KCNAB1: variants seen among roughly 807,000 people sequenced by gnomAD.
The protein encoded by KCNAB1 is potassium voltage-gated channel subfamily A regulatory beta subunit 1.
KCNAB1 carries 35 observed loss-of-function variants against 64.6 expected under a neutral mutation model. The ratio of observed to expected loss-of-function variants is 0.54; its 90% confidence interval spans 0.41 to 0.72. The LOEUF (loss-of-function observed/expected upper bound fraction) is 0.72. Ranked by LOEUF, KCNAB1 falls within the 30% of genes least tolerant of loss-of-function variation. The pLI, the probability that KCNAB1 is intolerant of heterozygous loss-of-function variation, is 0.00. For missense variants in KCNAB1, 401 were observed against 512.9 expected (o/e 0.78, Z 2.11); for synonymous variants, 177 against 183.8 (o/e 0.96, Z 0.30).
At chr3:156,436,077 C>T (rs1716565683) in intron 2 of KCNAB1, among the ~76,000 whole-genome samples, 1 of 152,088 alleles carries the variant, frequency 6.6e-6, no homozygotes, top group African/African-American at 2.4e-5. Context: ...TACCCCTGCC[C>T]ACCCCCAACA....
At position 156,338,303 on chromosome 3, in the gene KCNAB1, C is replaced by CTTTTTTTTT. The variant is rs34671816; in HGVS notation, c.276-83294_276-83286dup. 6.8e-3 allele frequency among the ~76,000 whole-genome samples: 269 copies of CTTTTTTTTT among 39,468 alleles called. 70 individuals are homozygous for CTTTTTTTTT. Among genetic ancestry groups the CTTTTTTTTT allele is most frequent in the African/African-American group, 0.021 (238 of 11,380 alleles). 25.9% of individuals were successfully genotyped at this position (39,468 alleles called of 152,430 possible). Reference sequence around the variant, plus strand: ...TCTTATACTTTCTTTGGCATTTGCACTTTTTTTTTTTTTTTTTTTTTTTTT... The same window carrying CTTTTTTTTT: ...TCTTATACTTTCTTTGGCATTTGCACTTTTTTTTTTTTTTTTTTTTTTTTTTTTTTTTTT... On this transcript the variant is annotated intron_variant, in intron 1 of 13. Transcript: ENST00000490337.
At chr3:156,254,593 T>C (rs1718000452) in intron 1 of KCNAB1, among the ~76,000 whole-genome samples, 1 of 152,236 alleles carries the variant, frequency 6.6e-6, no homozygotes, top group Non-Finnish European at 1.5e-5. Flanking sequence ...AGAAGTCTCA[T>C]TGTGAACTCT....
intron 1 of KCNAB1, among the ~76,000 whole-genome samples, chr3:156,123,233 G>C (rs1227791880): frequency 6.6e-6 from 1 of 152,200 alleles, no homozygotes; most frequent in Non-Finnish European, 1.5e-5. Context: ...AATATGAAAT[G>C]TATTGAAGAG....
At chr3:156,411,375 C>T (rs1714654247) in intron 1 of KCNAB1, among the ~76,000 whole-genome samples, 1 of 151,962 alleles carries the variant, frequency 6.6e-6, no homozygotes, top group South Asian at 2.1e-4. Flanking sequence ...TTCTAAAGTC[C>T]AATTTTTAAT....
At position 156,270,438 on chromosome 3, in the gene KCNAB1, T is replaced by C. The variant is rs140058939; in HGVS notation, c.275+149552T>C. Among the ~76,000 whole-genome samples, 1,435 of 152,288 alleles carry C rather than the reference T, an allele frequency of 9.4e-3. 26 individuals are homozygous for C. Among genetic ancestry groups the C allele is most frequent in the African/African-American group, 0.033 (1,371 of 41,554 alleles). On this transcript the variant is annotated intron_variant, in intron 1 of 13. Coordinates refer to ENST00000490337, the MANE Select transcript of KCNAB1 (RefSeq NM_172160.3). ...GTATGTTTTAATTTCTTGCTTTTTA[T>C]TTTTTGTGTATCTGTTGTATGTTTT...
At chr3:156,317,713 A>T (rs1722372722) in intron 1 of KCNAB1, among the ~76,000 whole-genome samples, 1 of 152,202 alleles carries the variant, frequency 6.6e-6, no homozygotes, top group East Asian at 1.9e-4. Flanking sequence ...ATGATTTACA[A>T]TAGCCTTGCA....
chr3:156,287,310 G>A (rs2107961767), intron 1 of KCNAB1, among the ~76,000 whole-genome samples: 1 of 142,726 alleles, frequency 7.0e-6, no homozygotes, highest in South Asian at 2.4e-4. Flanking sequence ...GTAGGAGTAA[G>A]TCATTATTTG....
chr3:156,273,273 C>CAT (rs1719143450), intron 1 of KCNAB1, among the ~76,000 whole-genome samples: 1 of 152,230 alleles, frequency 6.6e-6, no homozygotes, highest in Non-Finnish European at 1.5e-5. Context: ...CTGAGCACAG[C>CAT]ATAGCATTCA....
At chr3:156,334,916 T>C (rs10513486) in intron 1 of KCNAB1, among the ~76,000 whole-genome samples, 54,535 of 152,098 alleles carry the variant, frequency 0.36, 12,062 homozygotes, top group African/African-American at 0.63. Context: ...CAGGCTTTCT[T>C]GTATCAATAC....
At position 156,238,991 on chromosome 3, in the gene KCNAB1, G is replaced by T. The variant is rs148317492; in HGVS notation, c.275+118105G>T. On this transcript the variant is annotated intron_variant, in intron 1 of 13. Coordinates refer to ENST00000490337, the MANE Select transcript of KCNAB1 (RefSeq NM_172160.3). ...TTTCCTTAAGTTTCGACACCTTTGG[G>T]GAAAAAAGAGCAGATCGTTACCTTT... is the stretch of plus-strand genomic sequence containing the variant. Among the ~76,000 whole-genome samples, 591 of 151,954 alleles carry T rather than the reference G, an allele frequency of 3.9e-3. 7 individuals carry two copies. Among genetic ancestry groups the T allele is most frequent in the South Asian group, 0.018 (84 of 4,800 alleles).
At chr3:156,143,179 A>T (rs757038492) in intron 1 of KCNAB1, 2 of 1,587,596 alleles carry the variant, frequency 1.3e-6, no homozygotes, top group Non-Finnish European at 1.7e-6. Context: ...TTTTTGAAAC[A>T]TGCATCTGTA....
chr3:156,432,200 T>C (rs1716265249), intron 2 of KCNAB1, among the ~76,000 whole-genome samples: 1 of 152,228 alleles, frequency 6.6e-6, no homozygotes, highest in Non-Finnish European at 1.5e-5. Flanking sequence ...ATGTCATTGG[T>C]AGCCATAGTT....
chr3:156,337,985 T>A (rs1723827510), intron 1 of KCNAB1, among the ~76,000 whole-genome samples: 1 of 152,190 alleles, frequency 6.6e-6, no homozygotes, highest in South Asian at 2.1e-4. Flanking sequence ...CTGGTGGGGA[T>A]GGCGATGTAT....
At chr3:156,261,596 A>G (rs1718433431) in intron 1 of KCNAB1, among the ~76,000 whole-genome samples, 1 of 152,028 alleles carries the variant, frequency 6.6e-6, no homozygotes, top group African/African-American at 2.4e-5. Context: ...TCTCCTATTA[A>G]TCTATATACT....
intron 1 of KCNAB1, among the ~76,000 whole-genome samples, chr3:156,279,212 C>A (rs1317155092): frequency 6.7e-6 from 1 of 148,850 alleles, no homozygotes; most frequent in Admixed American, 6.7e-5. Flanking sequence ...TGAGAATATG[C>A]GGTGTTTGGT....
intron 1 of KCNAB1, among the ~76,000 whole-genome samples, chr3:156,211,344 AT>A (rs1456983993): frequency 6.6e-6 from 1 of 152,220 alleles, no homozygotes; most frequent in African/African-American, 2.4e-5. Flanking sequence ...TTGTTAAATA[AT>A]TATCTGCAAT....
chr3:156,289,658 A>G (rs957643275), intron 1 of KCNAB1, among the ~76,000 whole-genome samples: 6 of 152,198 alleles, frequency 3.9e-5, no homozygotes, highest in African/African-American at 1.2e-4. Context: ...ACATTAGTCA[A>G]TATGTTTATT....
At chr3:156,265,923 C>T (rs768489740) in intron 1 of KCNAB1, among the ~76,000 whole-genome samples, 3 of 151,976 alleles carry the variant, frequency 2.0e-5, no homozygotes, top group African/African-American at 2.4e-5. Context: ...ACCCAGGAGG[C>T]GGAGGTTGCA....
At chr3:156,166,173 C>A (rs1379697224) in intron 1 of KCNAB1, among the ~76,000 whole-genome samples, 2 of 152,156 alleles carry the variant, frequency 1.3e-5, no homozygotes, top group Non-Finnish European at 2.9e-5. Context: ...ACTAATGTCT[C>A]AGATGATATG....
Sources: allele counts gnomAD v4.1 joint callset (sites outside exome capture counted in the v4.1 genomes callset), GRCh38; gene constraint gnomAD v4.1.1; transcripts MANE v1.5; gene names NCBI Gene and HGNC (gene_info 2026-07-23, HGNC 2026-07-21).